PDE8A: variants seen among roughly 807,000 people sequenced by gnomAD.
The protein encoded by PDE8A is phosphodiesterase 8A.
PDE8A carries 59 observed loss-of-function variants against 105.0 expected under a neutral mutation model. The ratio of observed to expected loss-of-function variants is 0.56; its 90% confidence interval spans 0.46 to 0.70. PDE8A has a LOEUF of 0.70. PDE8A is among the 30% of genes least tolerant of loss of function. The pLI is 0.00. For missense variants in PDE8A, 1,014 were observed against 1,045.9 expected (o/e 0.97, Z 0.42); for synonymous variants, 355 against 371.9 (o/e 0.95, Z 0.52).
intron 20 of PDE8A, among the ~76,000 whole-genome samples, chr15:85,132,501 T>C (rs2082343507): frequency 6.6e-6 from 1 of 152,234 alleles, no homozygotes; most frequent in Admixed American, 6.5e-5. Context: ...GTTTTTGCTC[T>C]GTCGCCCAAG....
At chr15:84,987,836 A>G (rs1020433453) in intron 1 of PDE8A, among the ~76,000 whole-genome samples, 4 of 152,136 alleles carry the variant, frequency 2.6e-5, no homozygotes, top group Non-Finnish European at 5.9e-5. Flanking sequence ...TGAGGCAGAC[A>G]TCCCAGAGTA....
At chr15:85,065,944 C>G (rs1490488667) in intron 2 of PDE8A, among the ~76,000 whole-genome samples, 1 of 152,230 alleles carries the variant, frequency 6.6e-6, no homozygotes, top group Non-Finnish European at 1.5e-5. Flanking sequence ...CCTCTTGCAC[C>G]TGGTGACTGT....
intron 1 of PDE8A, among the ~76,000 whole-genome samples, chr15:85,035,831 A>G (rs200772677): frequency 1.3e-5 from 2 of 152,206 alleles, no homozygotes; most frequent in East Asian, 1.9e-4. Context: ...TAATATGTGT[A>G]TTTAATGTTC....
intron 1 of PDE8A, among the ~76,000 whole-genome samples, chr15:84,998,864 G>T (rs1011460323): frequency 6.6e-6 from 1 of 152,120 alleles, no homozygotes; most frequent in African/African-American, 2.4e-5. Context: ...TTTTCAAAAG[G>T]CACAGAACAC....
chr15:85,096,032 C>CA (rs2081744842), intron 8 of PDE8A, among the ~76,000 whole-genome samples: 1 of 151,856 alleles, frequency 6.6e-6, no homozygotes, highest in Non-Finnish European at 1.5e-5. Flanking sequence ...CATGCCACTA[C>CA]ACCCAGCTAA....
In PDE8A at chr15:85,091,186, G is replaced by A; in HGVS notation, c.852+5G>A. On this transcript the variant is annotated splice_donor_5th_base_variant and intron_variant, in intron 8 of 21. Transcript: ENST00000394553. ...TCATGCATCAGGATAGGCAAGGTAA[G>A]TAAGAGGTCAGTGCCTTTTTTAACT... The A allele has an allele frequency of 2.5e-6, 4 of 1,595,060 alleles. No individual in the cohort carries two copies. Among genetic ancestry groups the A allele is most frequent in the Non-Finnish European group, 3.4e-6 (4 of 1,171,482 alleles).
chr15:85,073,935 C>T (rs932342322), intron 3 of PDE8A, among the ~76,000 whole-genome samples: 1 of 152,212 alleles, frequency 6.6e-6, no homozygotes, highest in South Asian at 2.1e-4. Context: ...GACACCTGGC[C>T]AGTAAGCCCT....
At chr15:85,010,348 C>G (rs2080219401) in intron 1 of PDE8A, among the ~76,000 whole-genome samples, 1 of 152,198 alleles carries the variant, frequency 6.6e-6, no homozygotes, top group Non-Finnish European at 1.5e-5. Flanking sequence ...CCCTTCTGGT[C>G]TTAGGGACTT....
intron 6 of PDE8A, among the ~76,000 whole-genome samples, chr15:85,087,124 G>C (rs571335722): frequency 6.6e-6 from 1 of 150,390 alleles, no homozygotes; most frequent in Admixed American, 6.6e-5. Context: ...TGCTAAAAAT[G>C]AGCTAATTTT....
chr15:85,119,470 A>AAAAAAAAAAAAAAAAAAAAAAAAAC (rs2082146727), intron 17 of PDE8A, among the ~76,000 whole-genome samples: 1 of 149,378 alleles, frequency 6.7e-6, no homozygotes, highest in African/African-American at 2.4e-5. Flanking sequence ...TCTCGTCTCA[A>AAAAAAAAAAAAAAAAAAAAAAAAAC]AAAAAAAAAA....
intron 21 of PDE8A, among the ~76,000 whole-genome samples, chr15:85,137,490 C>T (rs1470264619): frequency 6.6e-6 from 1 of 152,192 alleles, no homozygotes; most frequent in African/African-American, 2.4e-5. Flanking sequence ...CTACATACTG[C>T]TTTCTGACAC....
intron 1 of PDE8A, among the ~76,000 whole-genome samples, chr15:84,984,512 C>T (rs2079770649): frequency 6.6e-6 from 1 of 152,152 alleles, no homozygotes; most frequent in Non-Finnish European, 1.5e-5. Flanking sequence ...CTTATTAAAA[C>T]TGTAAGTCAG....
intron 1 of PDE8A, among the ~76,000 whole-genome samples, chr15:85,039,525 C>A (rs922684987): frequency 1.3e-5 from 2 of 151,866 alleles, no homozygotes; most frequent in Admixed American, 6.6e-5. Context: ...TATACAGTCA[C>A]TTTGGAAAAC....
chr15:85,118,108 A>G (rs766443761), intron 17 of PDE8A, among the ~76,000 whole-genome samples: 7 of 152,142 alleles, frequency 4.6e-5, no homozygotes, highest in Non-Finnish European at 5.9e-5. Flanking sequence ...GGATAGGGCT[A>G]TTCTTCTGGG....
intron 1 of PDE8A, among the ~76,000 whole-genome samples, chr15:85,036,726 T>C (rs2080712591): frequency 6.6e-6 from 1 of 152,154 alleles, no homozygotes. Flanking sequence ...CTGCCTCAGC[T>C]GCCCATCTAA....
At chr15:85,010,269 A>G (rs1345899178) in intron 1 of PDE8A, among the ~76,000 whole-genome samples, 2 of 152,226 alleles carry the variant, frequency 1.3e-5, no homozygotes, top group Non-Finnish European at 1.5e-5. Flanking sequence ...GTTAACCTTC[A>G]ATAAAAATGT....
At chr15:85,134,893 A>G (rs1401098465) in intron 20 of PDE8A, among the ~76,000 whole-genome samples, 1 of 152,176 alleles carries the variant, frequency 6.6e-6, no homozygotes, top group Admixed American at 6.5e-5. Flanking sequence ...AGGTGTAGTA[A>G]GGAAGATGGG....
intron 20 of PDE8A, among the ~76,000 whole-genome samples, chr15:85,127,544 GAAACCA>G (rs2082274939): frequency 6.6e-6 from 1 of 151,986 alleles, no homozygotes; most frequent in South Asian, 2.1e-4. Flanking sequence ...ATTGGAAAAT[GAAACCA>G]AAAGCCCAGT....
At chr15:85,075,367 G>T (rs1043013324) in intron 3 of PDE8A, among the ~76,000 whole-genome samples, 1 of 152,156 alleles carries the variant, frequency 6.6e-6, no homozygotes, top group East Asian at 1.9e-4. Flanking sequence ...GATTATTTTT[G>T]GTTATTTAGC....
Sources: gnomAD v4.1 joint callset for allele counts (sites outside exome capture counted in the v4.1 genomes callset) on GRCh38, gnomAD v4.1.1 for gene constraint, MANE v1.5 for transcripts, NCBI Gene and HGNC (gene_info 2026-07-23, HGNC 2026-07-21) for gene names.